CD163L1: variants seen among roughly 807,000 people sequenced by gnomAD.
The protein encoded by CD163L1 is CD163 molecule like 1.
CD163L1 carries 124 observed loss-of-function variants against 165.4 expected under a neutral mutation model. That is an observed-to-expected ratio of 0.75 (90% CI 0.65 to 0.87). CD163L1 has a LOEUF of 0.87. CD163L1 is among the 40% of genes least tolerant of loss of function. CD163L1 has a pLI of 0.00. For missense variants in CD163L1, 1,525 were observed against 1,799.9 expected (o/e 0.85, Z 2.76); for synonymous variants, 585 against 662.2 (o/e 0.88, Z 1.79).
chr12:7,417,980 T>C (rs1296461155), intron 4 of CD163L1, among the ~76,000 whole-genome samples: 2 of 147,582 alleles, frequency 1.4e-5, no homozygotes, highest in African/African-American at 2.6e-5. Context: ...AATTCTCTAA[T>C]GAAAAAACAG....
intron 2 of CD163L1, 149 bp from the exon 3 acceptor site, chr12:7,433,843 G>T: frequency 1.7e-6 from 1 of 596,314 alleles, no homozygotes. Context: ...AAAATTTGAA[G>T]TGAGAAGCTT....
the CD163L1 span, among the ~76,000 whole-genome samples, chr12:7,331,947 A>G: frequency 6.6e-6 from 1 of 152,238 alleles, no homozygotes; most frequent in South Asian, 2.1e-4. Flanking sequence ...GACTTTGACA[A>G]GTTGAGAGAA....
chr12:7,345,606 GT>G (rs2136359389), downstream of CD163L1, among the ~76,000 whole-genome samples: 1 of 152,204 alleles, frequency 6.6e-6, no homozygotes, highest in Admixed American at 6.5e-5. Flanking sequence ...CTATTACCAA[GT>G]TCTAAAGTTG....
downstream of CD163L1, among the ~76,000 whole-genome samples, chr12:7,346,476 C>CT (rs773156161): frequency 7.6e-4 from 116 of 151,870 alleles, 1 homozygote; most frequent in African/African-American, 2.5e-3. Context: ...TTCTTTTACT[C>CT]TTTTTTTTCT....
At chr12:7,404,646 A>C (rs1369811598) in intron 5 of CD163L1, among the ~76,000 whole-genome samples, 1 of 152,210 alleles carries the variant, frequency 6.6e-6, no homozygotes, top group Non-Finnish European at 1.5e-5. Flanking sequence ...TCCTCCCATT[A>C]TTCAAGCTTT....
Position 7,375,937 on chromosome 12 carries a change from G to T in CD163L1, c.2449C>A (p.Arg817Ser). The T allele has an allele frequency of 2.5e-6, 4 of 1,614,204 alleles. No homozygotes were observed. The highest frequency in any genetic ancestry group is 3.4e-6 in the Non-Finnish European group (4 of 1,180,032). ...GAGAAATCAGAATCACAGACAGAGC[G>T]CCATGTGTCTGCATGTTTCACTTCA... ...RVEVKHADTW[R>S]SVCDSDFSLH... is the part of the protein sequence containing the mutation. Residue 817 changes from arginine (R) to serine (S), a missense_variant, in exon 10 of 20, where the codon CGC (arginine) becomes AGC (serine). By Grantham distance (110) the Arg-to-Ser change is moderately radical. Coordinates refer to ENST00000313599, the MANE Select transcript of CD163L1 (RefSeq NM_174941.6).
At chr12:7,410,322 A>C (rs893688080) in intron 4 of CD163L1, among the ~76,000 whole-genome samples, 2 of 152,086 alleles carry the variant, frequency 1.3e-5, no homozygotes, top group African/African-American at 4.8e-5. Context: ...ATAACAGTTA[A>C]AGGCCAGGCA....
chr12:7,346,392 T>C (rs760018633), downstream of CD163L1, among the ~76,000 whole-genome samples: 31 of 152,310 alleles, frequency 2.0e-4, no homozygotes, highest in Non-Finnish European at 3.5e-4. Context: ...ACTTTCTTTA[T>C]CTTTTGGCTT....
intron 4 of CD163L1, among the ~76,000 whole-genome samples, chr12:7,425,963 A>T (rs1413588129): frequency 6.6e-6 from 1 of 152,204 alleles, no homozygotes; most frequent in Non-Finnish European, 1.5e-5. Context: ...AAGATTATAA[A>T]TCATTCTATT....
chr12:7,414,916 G>A (rs892628360), intron 4 of CD163L1, among the ~76,000 whole-genome samples: 1 of 152,062 alleles, frequency 6.6e-6, no homozygotes, highest in Admixed American at 6.6e-5. Context: ...CAAAAACTGA[G>A]AAAGTTTATC....
In CD163L1 at chr12:7,403,551, A is replaced by T; in HGVS notation, c.1392T>A (p.Ala464=). The stretch of plus-strand genomic sequence containing the variant: ...GAACCTTACCAGAACAAATTACTCC[A>T]GCATCTGATCTTCGGAAGCATGTTC... ...AKRTCFRRSD[A]GVICSDKADL... Residue 464 remains alanine (A), a synonymous_variant, in exon 6 of 20, where the codon GCT becomes GCA. Transcript: ENST00000313599. The T allele has an allele frequency of 6.2e-7, 1 of 1,612,900 alleles. No individual in the cohort carries two copies. Among genetic ancestry groups the T allele is most frequent in the East Asian group, 2.2e-5 (1 of 44,870 alleles).
Position 7,373,510 on chromosome 12 carries a change from C to A in CD163L1, c.3540G>T (p.Val1180=), listed in dbSNP as rs199578853. 1 of 1,614,210 alleles carries A rather than the reference C, an allele frequency of 6.2e-7. No homozygotes were observed. The change falls in exon 14 of 20, where the codon GTG becomes GTT. Residue 1180 remains valine (V), a synonymous_variant. Transcript: ENST00000313599. ...RNITTAIAGI[V]CRQLGCGENG... is the part of the protein sequence containing the mutation. ...TCTCCCCACAGCCCAGCTGCCTGCA[C>A]ACAATGCCTGCTATGGCTGTGGTGA...
At chr12:7,413,909 G>T (rs754719182) in intron 4 of CD163L1, among the ~76,000 whole-genome samples, 2 of 152,256 alleles carry the variant, frequency 1.3e-5, no homozygotes, top group Non-Finnish European at 2.9e-5. Context: ...GGTGGATTAA[G>T]TACACCCATA....
In CD163L1 at chr12:7,425,419, C is replaced by T. The variant is rs1948524450; in HGVS notation, c.766+6997G>A. ...TAGGCAATACCATTCAGGATATAGG[C>T]ACGGGCAAAGACTTTATGACTAAAA... On this transcript the variant is annotated intron_variant, in intron 4 of 19. Coordinates refer to ENST00000313599, the MANE Select transcript of CD163L1 (RefSeq NM_174941.6). Among the ~76,000 whole-genome samples, 3 of 152,108 alleles carry T rather than the reference C, an allele frequency of 2.0e-5. No homozygotes were observed. In the South Asian group the frequency reaches 6.2e-4, roughly 31 times the overall value.
Position 7,396,277 on chromosome 12 carries a change from T to C in CD163L1, c.1868A>G (p.Gln623Arg). Residue 623 changes from glutamine to arginine, a missense_variant, in exon 8 of 20, where the codon CAG (glutamine) becomes CGG (arginine). Gln to Arg is a conservative substitution (Grantham distance 43). Transcript: ENST00000313599. ...NSKAAAVVCS[Q>R]LDCPSSIIGM... ...AATGATAGAAGATGGGCAGTCCAGC[T>C]GGCTACACACCACAGCTGCAGCTTT... The C allele has an allele frequency of 6.2e-7, 1 of 1,614,202 alleles. No homozygotes were observed. Among genetic ancestry groups the C allele is most frequent in the Non-Finnish European group, 8.5e-7 (1 of 1,180,026 alleles).
rs146988173 is a variant in CD163L1 at position 7,375,069 on chromosome 12, T to A, written c.3002-146A>T. 4.0e-5 allele frequency: 35 copies of A among 873,714 alleles called. No homozygotes were observed. In the Middle Eastern group the frequency reaches 7.5e-4, roughly 19 times the overall value. 54.1% of individuals were successfully genotyped at this position (873,714 alleles called of 1,614,324 possible). On this transcript the variant is annotated intron_variant, in intron 11 of 19. Coordinates refer to ENST00000313599, the MANE Select transcript of CD163L1 (RefSeq NM_174941.6). ...ATTGAAATCATTTTTATTAATGATG[T>A]CTACTCGTAAATCCCAAACACAGAG...
At chr12:7,415,403 T>A (rs192222308) in intron 4 of CD163L1, among the ~76,000 whole-genome samples, 1 of 151,850 alleles carries the variant, frequency 6.6e-6, no homozygotes, top group South Asian at 2.1e-4. Flanking sequence ...GGGGGAAAAA[T>A]AGAAAGACTA....
intron 4 of CD163L1, among the ~76,000 whole-genome samples, chr12:7,417,456 G>A (rs1948268624): frequency 1.3e-5 from 2 of 152,254 alleles, no homozygotes; most frequent in South Asian, 4.2e-4. Flanking sequence ...ATGTTGAATA[G>A]GAGTGATGAG....
rs1005389889 is a variant in CD163L1, at chr12:7,404,785, A to G, written c.1088-930T>C. On this transcript the variant is annotated intron_variant, in intron 5 of 19. Transcript: ENST00000313599. ...ATGTAGGTCATAATGATAGTTCTCA[A>G]CCTATACCTGTTGAGAACTTCCTGG... 3.9e-5 allele frequency among the ~76,000 whole-genome samples: 6 copies of G among 152,166 alleles called. No homozygotes were observed. In the East Asian group the frequency reaches 5.8e-4, roughly 15 times the overall value.
Sources: gnomAD v4.1 joint callset for allele counts (sites outside exome capture counted in the v4.1 genomes callset) on GRCh38, gnomAD v4.1.1 for gene constraint, MANE v1.5 for transcripts, NCBI Gene and HGNC (gene_info 2026-07-23, HGNC 2026-07-21) for gene names.